Variants in CELF4 observed in about 807,000 individuals in gnomAD.
CELF4 encodes the protein CUGBP Elav-like family member 4, also known as CUG-BP- and ETR-3-like factor 4.
Under a neutral mutation model 59.9 loss-of-function variants are expected in CELF4, and 18 were observed. The ratio of observed to expected loss-of-function variants is 0.30; its 90% CI spans 0.21 to 0.45. The LOEUF is 0.45. Among genes scored for constraint, CELF4 ranks in the 20% least tolerant of loss-of-function variants. The pLI is 1.00. For synonymous variants in CELF4, 261 were observed against 267.1 expected (o/e 0.98, Z 0.22); for missense variants, 456 against 689.0 (o/e 0.66, Z 3.79).
intron 2 of CELF4, among the ~76,000 whole-genome samples, chr18:37,395,834 G>T (rs1416727797): frequency 6.6e-6 from 1 of 152,164 alleles, no homozygotes; most frequent in Admixed American, 6.5e-5. Context: ...TGGCTTTGGG[G>T]CACTCAGCTC....
At chr18:37,564,585 C>A (rs756614422) in intron 1 of CELF4, among the ~76,000 whole-genome samples, 1 of 152,100 alleles carries the variant, frequency 6.6e-6, no homozygotes, top group African/African-American at 2.4e-5. Context: ...TTTCAAAATG[C>A]AAATCTCGCA....
At position 37,356,470 on chromosome 18, in the gene CELF4, G is replaced by A. The variant is rs1227423977; in HGVS notation, c.370-34589C>T. On this transcript the variant is annotated intron_variant, in intron 2 of 12. Transcript: ENST00000420428. Reference sequence around the variant, plus strand: ...GCCAGAGGTGCTGGGAAGGTCAAAGGTGCTGGGAAGGTCAGAGGTGCTGGG... The same window carrying A: ...GCCAGAGGTGCTGGGAAGGTCAAAGATGCTGGGAAGGTCAGAGGTGCTGGG... 2.0e-5 allele frequency among the ~76,000 whole-genome samples: 3 copies of A among 152,118 alleles called. No individual in the cohort carries two copies. In the East Asian group the frequency reaches 5.8e-4, roughly 29 times the overall value.
chr18:37,265,425 G>A (rs2077075003), intron 9 of CELF4, among the ~76,000 whole-genome samples: 1 of 152,188 alleles, frequency 6.6e-6, no homozygotes, highest in African/African-American at 2.4e-5. Flanking sequence ...CACACCACCT[G>A]GAATCCACAG....
intron 1 of CELF4, among the ~76,000 whole-genome samples, chr18:37,527,032 T>G (rs757458882): frequency 7.2e-5 from 11 of 152,090 alleles, no homozygotes; most frequent in Non-Finnish European, 8.8e-5. Flanking sequence ...ATGCCATTTA[T>G]TTACGTAAGC....
intron 2 of CELF4, among the ~76,000 whole-genome samples, chr18:37,375,797 T>A (rs2154566916): frequency 6.6e-6 from 1 of 152,224 alleles, no homozygotes; most frequent in East Asian, 1.9e-4. Context: ...AGCCAACTCC[T>A]CTACTCTTCC....
chr18:37,479,485 T>C (rs961925997), intron 2 of CELF4, among the ~76,000 whole-genome samples: 1 of 152,114 alleles, frequency 6.6e-6, no homozygotes, highest in Non-Finnish European at 1.5e-5. Context: ...CAGTAGCATC[T>C]CCAATGTCAA....
chr18:37,442,629 T>C (rs1484373895), intron 2 of CELF4, among the ~76,000 whole-genome samples: 1 of 152,008 alleles, frequency 6.6e-6, no homozygotes, highest in Non-Finnish European at 1.5e-5. Context: ...CCCGGGAAGG[T>C]TGCTTTCAGT....
At chr18:37,401,865 G>A (rs1344967188) in intron 2 of CELF4, among the ~76,000 whole-genome samples, 1 of 152,246 alleles carries the variant, frequency 6.6e-6, no homozygotes, top group Non-Finnish European at 1.5e-5. Context: ...TGCATTTCAA[G>A]CCCTGAGTTG....
At chr18:37,504,296 G>T (rs545483267) in intron 1 of CELF4, among the ~76,000 whole-genome samples, 1 of 152,148 alleles carries the variant, frequency 6.6e-6, no homozygotes, top group African/African-American at 2.4e-5. Flanking sequence ...TTCAAGATCA[G>T]CCTGGCCAAC....
chr18:37,502,797 C>G (rs762011237), intron 1 of CELF4, among the ~76,000 whole-genome samples: 1 of 152,224 alleles, frequency 6.6e-6, no homozygotes, highest in Non-Finnish European at 1.5e-5. Context: ...TCAGCCAAGG[C>G]CTCGGTAACA....
intron 1 of CELF4, among the ~76,000 whole-genome samples, chr18:37,536,484 T>C (rs774329228): frequency 6.6e-6 from 1 of 152,120 alleles, no homozygotes; most frequent in Admixed American, 6.5e-5. Context: ...CGGCAAGGGG[T>C]CCCCAGCTAC....
At chr18:37,385,192 T>C (rs1156866607) in intron 2 of CELF4, among the ~76,000 whole-genome samples, 1 of 151,358 alleles carries the variant, frequency 6.6e-6, no homozygotes, top group Admixed American at 6.6e-5. Flanking sequence ...ACCAAAAATA[T>C]AAAAAATTAG....
At chr18:37,470,887 T>TGTGTGAGAGA (rs1325788685) in intron 2 of CELF4, among the ~76,000 whole-genome samples, 10 of 71,922 alleles carry the variant, frequency 1.4e-4, no homozygotes, top group Non-Finnish European at 1.9e-4. Context: ...TGTGTGTGTG[T>TGTGTGAGAGA]GACAGAGAGA....
intron 2 of CELF4, among the ~76,000 whole-genome samples, chr18:37,384,095 C>T (rs142339212): frequency 6.6e-6 from 1 of 151,854 alleles, no homozygotes; most frequent in African/African-American, 2.4e-5. Flanking sequence ...ACGCTCAATG[C>T]GGGGGTGACA....
intron 2 of CELF4, among the ~76,000 whole-genome samples, chr18:37,478,592 A>G (rs2154602914): frequency 6.6e-6 from 1 of 152,226 alleles, no homozygotes; most frequent in East Asian, 1.9e-4. Flanking sequence ...CTAGGAGGGA[A>G]GACTGTGGGC....
At chr18:37,269,054 G>A (rs1488390834) in intron 8 of CELF4, among the ~76,000 whole-genome samples, 1 of 152,120 alleles carries the variant, frequency 6.6e-6, no homozygotes, top group East Asian at 1.9e-4. Context: ...AGATCCAGAT[G>A]GGCTTGTGGG....
intron 2 of CELF4, among the ~76,000 whole-genome samples, chr18:37,346,220 G>C (rs1302784476): frequency 6.6e-6 from 1 of 152,226 alleles, no homozygotes; most frequent in Non-Finnish European, 1.5e-5. Context: ...GTCTAGTGCA[G>C]CTGCATTCCG....
At chr18:37,347,178 G>A (rs190098545) in intron 2 of CELF4, among the ~76,000 whole-genome samples, 42 of 152,226 alleles carry the variant, frequency 2.8e-4, no homozygotes, top group Middle Eastern at 6.8e-3. Context: ...AGGGTGGGAA[G>A]TCTGTCTGTA....
chr18:37,342,520 G>A (rs1451022995), intron 2 of CELF4, among the ~76,000 whole-genome samples: 3 of 152,144 alleles, frequency 2.0e-5, no homozygotes, highest in African/African-American at 7.2e-5. Flanking sequence ...GGAGTGAGGA[G>A]TGGGCACCAC....
Sources: gnomAD v4.1 joint callset for allele counts (sites outside exome capture counted in the v4.1 genomes callset) on GRCh38, gnomAD v4.1.1 for gene constraint, MANE v1.5 for transcripts, NCBI Gene and HGNC (gene_info 2026-07-23, HGNC 2026-07-21) for gene names.